C10orf105: variants seen among roughly 807,000 people sequenced by gnomAD.
The protein encoded by C10orf105 is chromosome 10 open reading frame 105.
In C10orf105, 2 loss-of-function variants were observed where a neutral mutation model predicts 0.6. The observed-to-expected ratio is 3.18, with a 90% confidence interval of 1.30 to 10.01. The LOEUF is 10.01. C10orf105 is among the 30% of genes most tolerant of loss of function. The pLI is 0.04. For missense variants in C10orf105, 209 were observed against 191.4 expected (o/e 1.09, Z -0.54); for synonymous variants, 95 against 82.4 (o/e 1.15, Z -0.83).
rs112837364 is a variant in C10orf105, at chr10:71,732,389, G to A, written c.-6+5339C>T. The A allele has an allele frequency of 3.9e-6, 6 of 1,554,046 alleles. No homozygotes were observed. The African/African-American group carries it at 6.8e-5, about 18-fold the overall frequency. Reference sequence around the variant, plus strand: ...GACGCCATCACGGTGAGGGGCTGGGGGCAGGGAGCACCATTTCTTCCAATC... The same window carrying A: ...GACGCCATCACGGTGAGGGGCTGGGAGCAGGGAGCACCATTTCTTCCAATC... On this transcript the variant is annotated intron_variant, in intron 1 of 1. Coordinates refer to the C10orf105 transcript ENST00000398786.
upstream of C10orf105, among the ~76,000 whole-genome samples, chr10:71,721,163 T>C (rs2132790326): frequency 6.6e-6 from 1 of 152,338 alleles, no homozygotes; most frequent in South Asian, 2.1e-4. Flanking sequence ...TGGATAGGCA[T>C]GCAAGGGCAT....
chr10:71,732,499 T>G, intron 1 of C10orf105: 1 of 1,419,396 alleles, frequency 7.0e-7, no homozygotes, highest in Non-Finnish European at 9.5e-7. Flanking sequence ...AAGTGTGGTG[T>G]TAGGTACCTG....
intron 1 of C10orf105, among the ~76,000 whole-genome samples, chr10:71,734,979 C>T (rs1038227748): frequency 1.3e-5 from 2 of 152,230 alleles, no homozygotes; most frequent in Non-Finnish European, 2.9e-5. Flanking sequence ...GTGACACAGG[C>T]AAGCTGCTTA....
At position 71,711,718 on chromosome 10, in the gene C10orf105, G is replaced by A. The variant is rs1865976669; in HGVS notation, c.*4218C>T. ...ATTAGTTGTGAAAGTTTAAAGATCA[G>A]GAGATTTTATTTAAAAGCTCAGATG... On this transcript the variant is annotated 3_prime_UTR_variant, in exon 2 of 2. Transcript: ENST00000441508. 1 of 152,178 alleles carries A rather than the reference G, an allele frequency of 6.6e-6. No homozygotes were observed. The highest frequency in any genetic ancestry group is 1.5e-5 in the Non-Finnish European group (1 of 68,028). The allele number at this position is 152,178 out of a possible 1,614,324, so 9.4% of individuals were successfully genotyped here.
rs771859910 is a variant in C10orf105 at position 71,713,159 on chromosome 10, G to A, written c.*2777C>T. The A allele has an allele frequency of 1.3e-6, 1 of 779,256 alleles. No homozygotes were observed. Among genetic ancestry groups the A allele is most frequent in the South Asian group, 1.3e-5 (1 of 74,502 alleles). The allele number at this position is 779,256 out of a possible 1,614,324, so 48.3% of individuals were successfully genotyped here. On this transcript the variant is annotated 3_prime_UTR_variant, in exon 2 of 2. Coordinates refer to ENST00000441508, the MANE Select transcript of C10orf105 (RefSeq NM_001164375.3). ...TTCCCGGAAAGGAGTTGAGAAGAGA[G>A]CCAGGGCCCAGCAAGGCCCAGAACA...
At chr10:71,733,285 C>T (rs1489673390) in intron 1 of C10orf105, among the ~76,000 whole-genome samples, 1 of 152,210 alleles carries the variant, frequency 6.6e-6, no homozygotes, top group African/African-American at 2.4e-5. Flanking sequence ...GGACATGCCA[C>T]CCTCCAGGCA....
At chr10:71,719,262 C>T (rs11812858) in intron 1 of C10orf105, among the ~76,000 whole-genome samples, 5,695 of 152,222 alleles carry the variant, frequency 0.037, 383 homozygotes, top group African/African-American at 0.13. Context: ...CCAGCTAGTA[C>T]TGGGAGAGGA....
chr10:71,735,901 C>T (rs914332497), intron 1 of C10orf105, among the ~76,000 whole-genome samples: 4 of 152,320 alleles, frequency 2.6e-5, no homozygotes, highest in East Asian at 1.9e-4. Context: ...CAGTGGGTGC[C>T]GAGCCACCTG....
At chr10:71,723,637 G>A (rs1329040354), upstream of C10orf105, among the ~76,000 whole-genome samples, 1 of 152,142 alleles carries the variant, frequency 6.6e-6, no homozygotes, top group Non-Finnish European at 1.5e-5. Context: ...AGGAAATGCG[G>A]GCAAGAAGTA....
At chr10:71,720,342 G>A (rs550193474), upstream of C10orf105, among the ~76,000 whole-genome samples, 188 of 152,094 alleles carry the variant, frequency 1.2e-3, no homozygotes, top group Non-Finnish European at 2.1e-3. Flanking sequence ...AGAAAGCATA[G>A]GACTGACGGA....
At position 71,728,064 on chromosome 10, in the gene C10orf105, A is replaced by G. The variant is rs143303743; in HGVS notation, c.-6+9664T>C. 3.6e-3 allele frequency among the ~76,000 whole-genome samples: 544 copies of G among 152,132 alleles called. 4 individuals carry two copies. The highest frequency in any genetic ancestry group is 0.012 in the African/African-American group (514 of 41,500). On this transcript the variant is annotated intron_variant, in intron 1 of 1. Coordinates refer to the C10orf105 transcript ENST00000398786. Reference sequence around the variant, plus strand: ...GTCAGCCTGGCCCTGTTTTTTCCCCACAACCCTTGGAGTCAAGGTCATTTG... The same window carrying G: ...GTCAGCCTGGCCCTGTTTTTTCCCCGCAACCCTTGGAGTCAAGGTCATTTG...
chr10:71,712,336 C>A lies in C10orf105; in HGVS notation c.*3600G>T, dbSNP rs1297553947. ...AGGTTCCCAGGGGTTTAACATGGGT[C>A]TGTTTTTTTTGGGAGCCATCATTCA... On this transcript the variant is annotated 3_prime_UTR_variant, in exon 2 of 2. Transcript: ENST00000441508. 1 of 256,234 alleles carries A rather than the reference C, an allele frequency of 3.9e-6. No individual in the cohort carries two copies. Among genetic ancestry groups the A allele is most frequent in the Non-Finnish European group, 7.5e-6 (1 of 132,600 alleles). 15.9% of individuals were successfully genotyped at this position (256,234 alleles called of 1,614,324 possible). A position where few individuals can be genotyped will look rare whatever the true frequency, so the allele number is the denominator to read the frequency against.
intron 1 of C10orf105, chr10:71,734,526 C>T (rs1839500343): frequency 6.2e-7 from 1 of 1,601,896 alleles, no homozygotes; most frequent in Non-Finnish European, 8.5e-7. Flanking sequence ...AGGATGAGAC[C>T]TCAGGCAGGT....
Position 71,715,865 on chromosome 10 carries a change from A to G in C10orf105, c.*71T>C. On this transcript the variant is annotated 3_prime_UTR_variant, in exon 2 of 2. Coordinates refer to ENST00000441508, the MANE Select transcript of C10orf105 (RefSeq NM_001164375.3). ...CCACTGTCTTCCTGCAGCCTGCAGC[A>G]CCGGTCTCTGAAGCAGGAGGATCTA... The G allele has an allele frequency of 7.2e-7, 1 of 1,387,396 alleles. No individual in the cohort carries two copies. The highest frequency in any genetic ancestry group is 2.7e-5 in the East Asian group (1 of 36,846). 85.9% of individuals were successfully genotyped at this position (1,387,396 alleles called of 1,614,324 possible).
At chr10:71,728,872 T>A (rs1311657537) in intron 1 of C10orf105, among the ~76,000 whole-genome samples, 1 of 152,090 alleles carries the variant, frequency 6.6e-6, no homozygotes, top group Non-Finnish European at 1.5e-5. Flanking sequence ...CCCGGCTAAT[T>A]TTTTTTAGAG....
chr10:71,722,047 G>A (rs1784873914), upstream of C10orf105, among the ~76,000 whole-genome samples: 1 of 152,192 alleles, frequency 6.6e-6, no homozygotes, highest in African/African-American at 2.4e-5. Flanking sequence ...TTTGCTAGCA[G>A]GAACCCATCC....
Position 71,732,381 on chromosome 10 carries a change from G to A in C10orf105, c.-6+5347C>T, listed in dbSNP as rs751029675. 8 of 1,556,404 alleles carry A rather than the reference G, an allele frequency of 5.1e-6. No homozygotes were observed. In the South Asian group the frequency reaches 5.9e-5, roughly 11 times the overall value. On this transcript the variant is annotated intron_variant, in intron 1 of 1. Transcript: ENST00000398786. ...TCAAGATAGACGCCATCACGGTGAG[G>A]GGCTGGGGGCAGGGAGCACCATTTC...
At chr10:71,734,751 C>T in intron 1 of C10orf105, 1 of 799,770 alleles carries the variant, frequency 1.3e-6, no homozygotes, top group East Asian at 4.9e-5. Context: ...CCACCTCTCC[C>T]AGAGAGAAGG....
chr10:71,723,003 A>T (rs1335120363), upstream of C10orf105, among the ~76,000 whole-genome samples: 2 of 152,208 alleles, frequency 1.3e-5, no homozygotes, highest in Non-Finnish European at 2.9e-5. Flanking sequence ...TGATTGGCTC[A>T]GCTTTGATCA....
Sources: allele counts gnomAD v4.1 joint callset (sites outside exome capture counted in the v4.1 genomes callset), GRCh38; gene constraint gnomAD v4.1.1; transcripts MANE v1.5; gene names NCBI Gene and HGNC (gene_info 2026-07-23, HGNC 2026-07-21).